PHF24: variants seen among roughly 807,000 people sequenced by gnomAD.
The protein encoded by PHF24 is Galpha inhibitory interacting protein.
A neutral mutation model predicts 42.6 loss-of-function variants in PHF24; 25 were observed. The observed-to-expected ratio is 0.59, with a 90% CI of 0.43 to 0.82. PHF24 has a LOEUF of 0.82. Among genes scored for constraint, PHF24 ranks in the 40% least tolerant of loss-of-function variants. The probability of loss-of-function intolerance (pLI) is 0.00; values close to 1 mark genes in which losing one functional copy is unlikely to be tolerated. For synonymous variants in PHF24, 185 were observed against 204.8 expected (o/e 0.90, Z 0.83); for missense variants, 470 against 538.1 (o/e 0.87, Z 1.25).
At chr9:34,916,737 G>A in the PHF24 span, among the ~76,000 whole-genome samples, 3 of 152,318 alleles carry the variant, frequency 2.0e-5, no homozygotes, top group South Asian at 6.2e-4. Context: ...CTTGATAAGT[G>A]TGTGGTTTGT....
intron 1 of PHF24, among the ~76,000 whole-genome samples, chr9:34,966,009 G>A (rs1476671775): frequency 6.6e-6 from 1 of 152,086 alleles, no homozygotes; most frequent in Non-Finnish European, 1.5e-5. Context: ...TAACTCCTGG[G>A]AGGAGGCTGC....
chr9:34,902,983 A>G, the PHF24 span, among the ~76,000 whole-genome samples: 155 of 152,216 alleles, frequency 1.0e-3, no homozygotes, highest in African/African-American at 3.7e-3. Flanking sequence ...AGGGGAATTA[A>G]CCCTGACTGA....
At chr9:34,710,528 G>A in the PHF24 span, among the ~76,000 whole-genome samples, 56 of 149,062 alleles carry the variant, frequency 3.8e-4, no homozygotes, top group Admixed American at 1.5e-3. Flanking sequence ...GAGTGCAGTG[G>A]TTGATCTTGG....
the PHF24 span, among the ~76,000 whole-genome samples, chr9:34,916,712 G>T: frequency 6.6e-6 from 1 of 152,208 alleles, no homozygotes; most frequent in Admixed American, 6.5e-5. Flanking sequence ...GAAGGTAAGT[G>T]CTATTCATAT....
chr9:34,682,543 AT>A, the PHF24 span, among the ~76,000 whole-genome samples: 1 of 152,092 alleles, frequency 6.6e-6, no homozygotes, highest in Non-Finnish European at 1.5e-5. Context: ...ATGTATGTTG[AT>A]CTTGGATAGC....
At chr9:34,792,295 C>T in the PHF24 span, among the ~76,000 whole-genome samples, 4 of 152,126 alleles carry the variant, frequency 2.6e-5, no homozygotes, top group African/African-American at 7.2e-5. Flanking sequence ...CAGATGATTA[C>T]CACTACATGG....
At chr9:34,690,031 G>A in the PHF24 span, 1 of 1,612,922 alleles carries the variant, frequency 6.2e-7, no homozygotes, top group South Asian at 1.1e-5. Flanking sequence ...AACCTGGGGT[G>A]AGAGGCCGGA....
the PHF24 span, among the ~76,000 whole-genome samples, chr9:34,666,670 G>C: frequency 1.3e-5 from 2 of 151,840 alleles, no homozygotes; most frequent in African/African-American, 2.4e-5. Flanking sequence ...ACAGGTGGCC[G>C]GGCACGGTGG....
chr9:34,959,708 T>C (rs1826522711), intron 1 of PHF24, among the ~76,000 whole-genome samples: 1 of 152,204 alleles, frequency 6.6e-6, no homozygotes, highest in African/African-American at 2.4e-5. Flanking sequence ...CCCACTGTCA[T>C]GATGCCTTGG....
the PHF24 span, among the ~76,000 whole-genome samples, chr9:34,870,575 C>T: frequency 3.8e-5 from 1 of 26,438 alleles, no homozygotes; most frequent in Non-Finnish European, 1.4e-4. Flanking sequence ...AAGGTTCTTC[C>T]ATGTCTTTTT....
At chr9:34,812,716 C>T in the PHF24 span, among the ~76,000 whole-genome samples, 20 of 152,310 alleles carry the variant, frequency 1.3e-4, no homozygotes, top group African/African-American at 3.9e-4. Flanking sequence ...AGGGTGCTGA[C>T]GCTGTGATCT....
At chr9:34,766,589 G>A in the PHF24 span, among the ~76,000 whole-genome samples, 212 of 152,274 alleles carry the variant, frequency 1.4e-3, no homozygotes, top group Middle Eastern at 0.014. Context: ...GGTTATTCTA[G>A]TTATACATTC....
chr9:34,860,646 G>T, the PHF24 span, among the ~76,000 whole-genome samples: 5 of 150,266 alleles, frequency 3.3e-5, no homozygotes, highest in Non-Finnish European at 5.9e-5. Context: ...GATTTTAATG[G>T]GTCTGTAGTT....
At chr9:34,843,879 G>A in the PHF24 span, among the ~76,000 whole-genome samples, 5 of 152,064 alleles carry the variant, frequency 3.3e-5, no homozygotes, top group South Asian at 2.1e-4. Flanking sequence ...ACCAGTATCC[G>A]TTCTTAAATA....
the PHF24 span, among the ~76,000 whole-genome samples, chr9:34,940,104 T>C: frequency 6.6e-6 from 1 of 152,188 alleles, no homozygotes; most frequent in Non-Finnish European, 1.5e-5. Flanking sequence ...GGAAAGTCTC[T>C]TGGGTAACTG....
At chr9:34,975,806 A>C (rs1391587119) in intron 3 of PHF24, among the ~76,000 whole-genome samples, 1 of 151,928 alleles carries the variant, frequency 6.6e-6, no homozygotes, top group East Asian at 1.9e-4. Context: ...AGGGATTCAC[A>C]ACCTGCCTAC....
chr9:34,810,366 C>T, the PHF24 span, among the ~76,000 whole-genome samples: 3 of 152,200 alleles, frequency 2.0e-5, no homozygotes, highest in Admixed American at 6.5e-5. Flanking sequence ...TGAAGACCCG[C>T]TGTGGGAATG....
the PHF24 span, among the ~76,000 whole-genome samples, chr9:34,699,194 C>T: frequency 6.6e-6 from 1 of 152,214 alleles, no homozygotes; most frequent in Non-Finnish European, 1.5e-5. Context: ...GGCTTGGACT[C>T]CTACTTGTGT....
the PHF24 span, chr9:34,834,865 C>G: frequency 6.6e-7 from 1 of 1,505,414 alleles, no homozygotes; most frequent in African/African-American, 1.6e-5. Context: ...TTTTAGGGAG[C>G]AGTTGGGGGA....
Sources: gnomAD v4.1 joint callset for allele counts (sites outside exome capture counted in the v4.1 genomes callset) on GRCh38, gnomAD v4.1.1 for gene constraint, MANE v1.5 for transcripts, NCBI Gene and HGNC (gene_info 2026-07-23, HGNC 2026-07-21) for gene names.